The following SYNPR variants were observed in gnomAD, a reference collection of about 807,000 sequenced individuals.
The protein encoded by SYNPR is synaptoporin.
Under a neutral mutation model 32.9 loss-of-function variants are expected in SYNPR, and 23 were observed. The observed-to-expected ratio is 0.70, with a 90% CI of 0.50 to 0.99. The LOEUF is 0.99. Among genes scored for constraint, SYNPR ranks in the 50% least tolerant of loss-of-function variants. The pLI is 0.00. For synonymous variants in SYNPR, 146 were observed against 135.9 expected, an observed-to-expected ratio of 1.07 and a Z score of -0.52; for missense variants, 318 against 349.3, an observed-to-expected ratio of 0.91 and a Z score of 0.71.
intron 2 of SYNPR, chr3:63,443,584 A>C (rs1469123091): frequency 1.2e-5 from 14 of 1,179,316 alleles, no homozygotes; most frequent in Non-Finnish European, 1.7e-5. Flanking sequence ...TCAGTTTTTA[A>C]GTCTCTAGTA....
chr3:63,585,686 A>T (rs528931575), intron 4 of SYNPR, among the ~76,000 whole-genome samples: 1 of 152,220 alleles, frequency 6.6e-6, no homozygotes, highest in South Asian at 2.1e-4. Flanking sequence ...AAAAGGGGAG[A>T]ACTGATGGGG....
intron 3 of SYNPR, among the ~76,000 whole-genome samples, chr3:63,535,027 A>ATCC (rs1384157503): frequency 1.3e-5 from 2 of 152,184 alleles, no homozygotes; most frequent in East Asian, 3.8e-4. Flanking sequence ...ACCCAATGAG[A>ATCC]GTAGTTACTG....
chr3:63,430,235 CA>C (rs891551478), intron 2 of SYNPR, among the ~76,000 whole-genome samples: 2 of 152,108 alleles, frequency 1.3e-5, no homozygotes, highest in Non-Finnish European at 2.9e-5. Flanking sequence ...CTTATTTTGT[CA>C]AAGGTCAGTT....
intron 2 of SYNPR, among the ~76,000 whole-genome samples, chr3:63,449,520 AC>A (rs1267783678): frequency 2.0e-5 from 3 of 151,994 alleles, no homozygotes; most frequent in Admixed American, 1.3e-4. Flanking sequence ...TCCCCACCCA[AC>A]CCCCAGGTTG....
chr3:63,280,755 ATG>A (rs1009155167), intron 2 of SYNPR, among the ~76,000 whole-genome samples: 3 of 151,190 alleles, frequency 2.0e-5, no homozygotes, highest in Non-Finnish European at 4.4e-5. Flanking sequence ...TGCACAGGTG[ATG>A]TGTGTGTGTG....
chr3:63,430,517 T>C (rs1007880542), intron 2 of SYNPR, among the ~76,000 whole-genome samples: 3 of 152,196 alleles, frequency 2.0e-5, no homozygotes, highest in Non-Finnish European at 2.9e-5. Flanking sequence ...GTACGTAAGA[T>C]GGAGGAAGAA....
intron 1 of SYNPR, among the ~76,000 whole-genome samples, chr3:63,240,699 G>C (rs1048270596): frequency 2.6e-5 from 4 of 152,128 alleles, no homozygotes; most frequent in African/African-American, 9.7e-5. Flanking sequence ...ATTATTGCAA[G>C]GGCCATGACC....
At chr3:63,427,308 G>A (rs1029971021) in intron 2 of SYNPR, 7 of 151,256 alleles carry the variant, frequency 4.6e-5, no homozygotes, top group Admixed American at 2.6e-4. Context: ...CAACTTGTCT[G>A]AAAGTCAGTT....
chr3:63,390,077 T>C (rs2088111395), intron 2 of SYNPR, among the ~76,000 whole-genome samples: 1 of 152,140 alleles, frequency 6.6e-6, no homozygotes, highest in African/African-American at 2.4e-5. Flanking sequence ...TCACAGGATA[T>C]TTAATATTAT....
intron 2 of SYNPR, among the ~76,000 whole-genome samples, chr3:63,346,253 C>T (rs2087436095): frequency 1.3e-5 from 2 of 152,156 alleles, no homozygotes; most frequent in South Asian, 4.1e-4. Context: ...GATCCTGTTA[C>T]TGGAATTTTT....
In SYNPR at chr3:63,581,626, T is replaced by A. The variant is rs372719213; in HGVS notation, c.408+24885T>A. Among the ~76,000 whole-genome samples the A allele has an allele frequency of 8.9e-4, 135 of 152,176 alleles. 1 individual carries two copies. The South Asian group carries it at 0.026, about 30-fold the overall frequency. ...CATGATCCCCACAGTGAGAGCTCTTTCTGAACTGAAGCAATTCCAGTGTTC... is the reference window on the plus strand; with the variant it reads ...CATGATCCCCACAGTGAGAGCTCTTACTGAACTGAAGCAATTCCAGTGTTC... On this transcript the variant is annotated intron_variant, in intron 4 of 5. Coordinates refer to ENST00000478300, the MANE Select transcript of SYNPR (RefSeq NM_001130003.2).
chr3:63,591,674 G>C (rs1298299669), intron 4 of SYNPR, among the ~76,000 whole-genome samples: 3 of 134,908 alleles, frequency 2.2e-5, no homozygotes, highest in African/African-American at 8.5e-5. Flanking sequence ...GATGAAATTG[G>C]AAACCATCAT....
chr3:63,524,040 T>TA (rs1159621855), intron 3 of SYNPR, among the ~76,000 whole-genome samples: 3 of 151,886 alleles, frequency 2.0e-5, no homozygotes, highest in Non-Finnish European at 4.4e-5. Flanking sequence ...CAAAATACCA[T>TA]ATCCACATAT....
At chr3:63,344,042 G>A (rs2087405955) in intron 2 of SYNPR, among the ~76,000 whole-genome samples, 1 of 152,242 alleles carries the variant, frequency 6.6e-6, no homozygotes, top group Non-Finnish European at 1.5e-5. Flanking sequence ...ATGCTGTTCA[G>A]AGGCGGTTCA....
At chr3:63,593,331 G>A (rs1699876213) in intron 4 of SYNPR, among the ~76,000 whole-genome samples, 1 of 152,070 alleles carries the variant, frequency 6.6e-6, no homozygotes, top group African/African-American at 2.4e-5. Context: ...GTTTTGAGGA[G>A]TGTTTTTAAC....
intron 3 of SYNPR, among the ~76,000 whole-genome samples, chr3:63,543,633 T>G (rs1034650439): frequency 2.0e-5 from 3 of 152,112 alleles, no homozygotes; most frequent in Non-Finnish European, 4.4e-5. Context: ...GTCATTGACC[T>G]CATTAAAAAG....
At chr3:63,520,333 G>C (rs1249051915) in intron 3 of SYNPR, among the ~76,000 whole-genome samples, 1 of 152,164 alleles carries the variant, frequency 6.6e-6, no homozygotes, top group Non-Finnish European at 1.5e-5. Context: ...CAGGACAGCT[G>C]TATAACTTAT....
At position 63,615,296 on chromosome 3, in the gene SYNPR, T is replaced by G. The variant is rs34826607; in HGVS notation, c.673T>G (p.Ser225Ala). 160 of 1,613,768 alleles carry G rather than the reference T, an allele frequency of 9.9e-5. No homozygotes were observed. Among genetic ancestry groups the G allele is most frequent in the Non-Finnish European group, 1.3e-4 (151 of 1,179,852 alleles). Residue 225 changes from serine to alanine, a missense_variant, in exon 6 of 6, where the codon TCT becomes GCT. By Grantham distance (99) the Ser-to-Ala change is moderately conservative. Coordinates refer to ENST00000478300, the MANE Select transcript of SYNPR (RefSeq NM_001130003.2). ...WFVFKETGWH[S>A]SGQRYLSDPM... is the part of the protein sequence containing the mutation. ...TGTTTTCAAGGAGACCGGCTGGCAT[T>G]CTTCGGGACAGAGATATCTTTCAGA...
chr3:63,431,720 A>G (rs1359167245), intron 2 of SYNPR, among the ~76,000 whole-genome samples: 3 of 151,810 alleles, frequency 2.0e-5, no homozygotes, highest in Admixed American at 2.0e-4. Context: ...CATCAAGCCC[A>G]TTAAAAACAA....
Sources: allele counts gnomAD v4.1 joint callset (sites outside exome capture counted in the v4.1 genomes callset), GRCh38; gene constraint gnomAD v4.1.1; transcripts MANE v1.5; gene names NCBI Gene and HGNC (gene_info 2026-07-23, HGNC 2026-07-21).